SPAG5: variants seen among roughly 807,000 people sequenced by gnomAD.
SPAG5 encodes sperm-associated antigen 5.
A neutral mutation model predicts 145.4 loss-of-function variants in SPAG5; 99 were observed. That is an observed-to-expected ratio of 0.68 (90% CI 0.58 to 0.80). The LOEUF (loss-of-function observed/expected upper bound fraction) is 0.80. Among genes scored for constraint, SPAG5 ranks in the 30% least tolerant of loss-of-function variants. The probability of loss-of-function intolerance (pLI) is 0.00; values close to 1 mark genes in which losing one functional copy is unlikely to be tolerated. For synonymous variants in SPAG5, 477 were observed against 525.4 expected, an observed-to-expected ratio of 0.91 and a Z score of 1.26; for missense variants, 1,192 against 1,416.0, an observed-to-expected ratio of 0.84 and a Z score of 2.54.
chr17:28,577,636 G>T lies in SPAG5; in HGVS notation c.*63C>A. 2.7e-6 allele frequency: 3 copies of T among 1,106,960 alleles called. No homozygotes were observed. The highest frequency in any genetic ancestry group is 4.2e-6 in the Non-Finnish European group (3 of 717,834). 68.6% of individuals were successfully genotyped at this position (1,106,960 alleles called of 1,614,324 possible). On this transcript the variant is annotated 3_prime_UTR_variant, in exon 24 of 24. Transcript: ENST00000321765. ...AGTTGGCTCTATGCCAGTTGGTCTT[G>T]GTATTGGGGTAAGGGGGTATTGCAG...
intron 10 of SPAG5, 135 bp from the exon 11 acceptor site, chr17:28,584,880 G>T: frequency 1.2e-6 from 1 of 804,474 alleles, no homozygotes; most frequent in Non-Finnish European, 2.1e-6. Context: ...AAATAAGGTT[G>T]ATCCTCAGGA....
In SPAG5 at chr17:28,585,138, C is replaced by A. The variant is rs1399372554; in HGVS notation, c.2031G>T (p.Leu677=). 2 of 1,614,238 alleles carry A rather than the reference C, an allele frequency of 1.2e-6. No individual in the cohort carries two copies. The highest frequency in any genetic ancestry group is 1.3e-5 in the African/African-American group (1 of 75,066). The change falls in exon 10 of 24, where the codon CTG becomes CTT. Residue 677 remains leucine (L), a synonymous_variant. Transcript: ENST00000321765. ...EKLTVKSQQA[L]QERDVAIEEK... ...CCTCAATTGCCACATCACGTTCCTG[C>A]AGGGCTTGCTGGCTCTTGACTGTGA... is the stretch of plus-strand genomic sequence containing the variant.
intron 15 of SPAG5, among the ~76,000 whole-genome samples, chr17:28,582,177 G>C (rs1285416581): frequency 6.6e-6 from 1 of 152,146 alleles, no homozygotes; most frequent in East Asian, 1.9e-4. Flanking sequence ...GCCCCACAGA[G>C]CTCTCACGCT....
chr17:28,578,521 C>T lies in SPAG5; in HGVS notation c.3206G>A (p.Arg1069Lys), dbSNP rs200191186. Residue 1069 changes from arginine (R) to lysine (K), a missense_variant, in exon 21 of 24, where the codon AGA becomes AAA. By Grantham distance (26) the Arg-to-Lys change is conservative. Transcript: ENST00000321765. ...IDKSGELISL[R>K]EEVTHLTRSL... ...GCGGGTAAGGTGGGTCACCTCCTCT[C>T]TAAGGCTCTGGGAATGAGAATGGAG... 1.2e-6 allele frequency: 2 copies of T among 1,610,490 alleles called. No homozygotes were observed. The highest frequency in any genetic ancestry group is 2.2e-5 in the East Asian group (1 of 44,886).
chr17:28,586,762 C>T (rs999727094), intron 4 of SPAG5, among the ~76,000 whole-genome samples: 1 of 152,080 alleles, frequency 6.6e-6, no homozygotes, highest in African/African-American at 2.4e-5. Flanking sequence ...GAACTCCTGG[C>T]CTCAAGTGAT....
rs2070581553 is a variant in SPAG5 at position 28,585,849 on chromosome 17, T to C, written c.1740+15A>G. On this transcript the variant is annotated intron_variant, in intron 7 of 23. Coordinates refer to ENST00000321765, the MANE Select transcript of SPAG5 (RefSeq NM_006461.4). ...GAAACCTCCCACATCCAAGAACAAA[T>C]GCCTGTCACCTTACCGCATCCTTGC... 2 of 1,614,202 alleles carry C rather than the reference T, an allele frequency of 1.2e-6. No individual in the cohort carries two copies. The highest frequency in any genetic ancestry group is 1.6e-4 in the Middle Eastern group (1 of 6,062).
rs200541455 is a variant in SPAG5, at chr17:28,591,831, T to G, written c.1304A>C (p.Glu435Ala). 3.0e-5 allele frequency: 49 copies of G among 1,614,008 alleles called. No individual in the cohort carries two copies. In the South Asian group the frequency reaches 4.5e-4, roughly 15 times the overall value. The change falls in exon 4 of 24, where the codon GAA becomes GCA. Residue 435 changes from glutamate to alanine, a missense_variant. Around this residue, in one of 5 missense-constraint regions of SPAG5, gnomAD observed 125 missense variants for 143.8 expected, o/e 0.87. Transcript: ENST00000321765. Reference protein sequence around the residue: ...DLTALSRHDLEDNLLSSLVIL... With the variant: ...DLTALSRHDLADNLLSSLVIL... ...GACAAGAGAGCTCAGCAGGTTATCT[T>G]CCAAGTCATGTCGAGACAAGGCAGT...
At chr17:28,587,248 T>TC (rs1555536336) in intron 4 of SPAG5, among the ~76,000 whole-genome samples, 5 of 101,164 alleles carry the variant, frequency 4.9e-5, no homozygotes, top group Non-Finnish European at 6.6e-5. Context: ...ACCCCATCTC[T>TC]AAAAAAAAAA....
In SPAG5 at chr17:28,579,267, A is replaced by G. The variant is rs1462076412; in HGVS notation, c.3006-15T>C. 1 of 1,613,984 alleles carries G rather than the reference A, an allele frequency of 6.2e-7. No homozygotes were observed. Among genetic ancestry groups the G allele is most frequent in the South Asian group, 1.1e-5 (1 of 91,080 alleles). On this transcript the variant is annotated splice_polypyrimidine_tract_variant and intron_variant, in intron 18 of 23. Transcript: ENST00000321765. The stretch of plus-strand genomic sequence containing the variant: ...GCAGCTCACAACTGAAGGAAGGAAG[A>G]ATTTAGCAACATTCCTGTCCTCTCA...
intron 5 of SPAG5, 64 bp from the exon 6 acceptor site, chr17:28,586,246 G>T: frequency 7.0e-7 from 1 of 1,430,542 alleles, no homozygotes; most frequent in Non-Finnish European, 9.8e-7. Flanking sequence ...CAGGGGCACT[G>T]GGGAGGAAAA....
At position 28,578,610 on chromosome 17, in the gene SPAG5, C is replaced by G. The variant is rs2070525358; in HGVS notation, c.3198+62G>C. On this transcript the variant is annotated intron_variant, in intron 20 of 23. Transcript: ENST00000321765. ...GAACAAAAGCAAACCATTTCTCATA[C>G]TTGGGATCCTGGCTGACCAGTAACA... 6 of 1,610,232 alleles carry G rather than the reference C, an allele frequency of 3.7e-6. No individual in the cohort carries two copies. In the African/African-American group the frequency reaches 8.0e-5, roughly 21 times the overall value.
At chr17:28,591,134 A>G (rs1278985437) in intron 4 of SPAG5, among the ~76,000 whole-genome samples, 2 of 152,214 alleles carry the variant, frequency 1.3e-5, no homozygotes, top group African/African-American at 4.8e-5. Flanking sequence ...ATAGTCTACC[A>G]ATGCAAAAAA....
At chr17:28,589,381 G>T (rs949300106) in intron 4 of SPAG5, among the ~76,000 whole-genome samples, 1 of 151,980 alleles carries the variant, frequency 6.6e-6, no homozygotes, top group Non-Finnish European at 1.5e-5. Context: ...TTACAGGTAT[G>T]AGCCACCATG....
chr17:28,596,713 C>T lies in SPAG5; in HGVS notation c.177+1797G>A, dbSNP rs926374890. On this transcript the variant is annotated intron_variant, in intron 2 of 23. Coordinates refer to ENST00000321765, the MANE Select transcript of SPAG5 (RefSeq NM_006461.4). ...ATAATCATAATAAATTCTATAAGCT[C>T]TATAGAGCTAATTTCCACCTAGTAC... 4.6e-5 allele frequency among the ~76,000 whole-genome samples: 7 copies of T among 152,090 alleles called. No homozygotes were observed. The South Asian group carries it at 8.3e-4, about 18-fold the overall frequency.
intron 15 of SPAG5, chr17:28,580,448 AC>A: frequency 6.3e-6 from 1 of 158,696 alleles, no homozygotes; most frequent in East Asian, 1.8e-4. Context: ...CTTGTTTATA[AC>A]TCTCACCATC....
chr17:28,578,563 A>G (rs2070524950), intron 20 of SPAG5, 35 bp from the exon 21 acceptor site: 1 of 1,609,628 alleles, frequency 6.2e-7, no homozygotes, highest in Admixed American at 1.7e-5. Flanking sequence ...CCAATAGGAC[A>G]TAAGGATAGA....
rs1278553901 is a variant in SPAG5, at chr17:28,580,001, C to T, written c.2797+8G>A. 6.2e-7 allele frequency: 1 copy of T among 1,607,944 alleles called. No homozygotes were observed. The highest frequency in any genetic ancestry group is 8.5e-7 in the Non-Finnish European group (1 of 1,175,110). On this transcript the variant is annotated splice_region_variant and intron_variant, in intron 16 of 23. Coordinates refer to ENST00000321765, the MANE Select transcript of SPAG5 (RefSeq NM_006461.4). ...ACTTTCCCACCCCCAAATCCCAGGG[C>T]CTTTAACCTTCATCTGCCACTGCTG...
Position 28,598,970 on chromosome 17 carries a change from C to G in SPAG5, c.-24G>C. 6.2e-7 allele frequency: 1 copy of G among 1,612,692 alleles called. No homozygotes were observed. On this transcript the variant is annotated 5_prime_UTR_variant, in exon 1 of 24. It removes the in-frame stop codon of an upstream open reading frame in the 5' UTR. Coordinates refer to ENST00000321765, the MANE Select transcript of SPAG5 (RefSeq NM_006461.4). ...ATCTTCAACCAGAAGGCAGGCCTAT[C>G]ACGTCTCAGACCAAGTCGAGGACGC...
In SPAG5 at chr17:28,578,063, G is replaced by A. The variant is rs139655715; in HGVS notation, c.3457C>T (p.Arg1153Cys). ...HRNILEENLRRSDKELEKLDD... is the reference protein window; with the variant it reads ...HRNILEENLRCSDKELEKLDD... ...AGTTTTTCTAACTCCTTGTCAGAGCGCCGAAGGTTCTCCTCTAGGATATTT... is the reference window on the plus strand; with the variant it reads ...AGTTTTTCTAACTCCTTGTCAGAGCACCGAAGGTTCTCCTCTAGGATATTT... Residue 1153 changes from arginine to cysteine, a missense_variant, in exon 23 of 24, where the codon CGC becomes TGC. Transcript: ENST00000321765. 10 of 1,613,972 alleles carry A rather than the reference G, an allele frequency of 6.2e-6. No homozygotes were observed. The East Asian group carries it at 8.9e-5, about 14-fold the overall frequency.
Sources: allele counts gnomAD v4.1 joint callset (sites outside exome capture counted in the v4.1 genomes callset), GRCh38; gene constraint gnomAD v4.1.1; regional missense constraint gnomAD v4.1.1; transcripts MANE v1.5; gene names NCBI Gene and HGNC (gene_info 2026-07-23, HGNC 2026-07-21).